Variants in LNX1 observed in about 807,000 individuals in gnomAD.
LNX1 encodes E3 ubiquitin-protein ligase LNX.
Under a neutral mutation model 68.4 loss-of-function variants are expected in LNX1, and 54 were observed. The observed-to-expected ratio is 0.79, with a 90% CI of 0.63 to 0.99. LNX1 has a LOEUF of 0.99. Among genes scored for constraint, LNX1 ranks in the 50% least tolerant of loss-of-function variants. The probability of loss-of-function intolerance (pLI) is 0.00; values close to 1 mark genes in which losing one functional copy is unlikely to be tolerated. For synonymous variants in LNX1, 336 were observed against 350.0 expected (o/e 0.96, Z 0.45); for missense variants, 906 against 926.4 (o/e 0.98, Z 0.29).
At chr4:53,634,577 G>A (rs1734395845) in intron 1 of LNX1, among the ~76,000 whole-genome samples, 1 of 151,944 alleles carries the variant, frequency 6.6e-6, no homozygotes, top group Admixed American at 6.6e-5. Context: ...TCTTGCATGA[G>A]TACTCCCTTT....
chr4:53,579,175 T>C, intron 1 of LNX1: 1 of 684,122 alleles, frequency 1.5e-6, no homozygotes, highest in Non-Finnish European at 1.8e-6. Context: ...CTGAAGTAAG[T>C]AGACAGAGCT....
In LNX1 at chr4:53,476,857, C is replaced by T. The variant is rs774115439; in HGVS notation, c.1788G>A (p.Glu596=). Reference sequence around the variant, plus strand: ...CTGGGCTGCTGCAGTCTTCCTGGGGCTCATACTCTTTGACTTCCAAAGCTT... The same window carrying T: ...CTGGGCTGCTGCAGTCTTCCTGGGGTTCATACTCTTTGACTTCCAAAGCTT... ...VLKALEVKEY[E]PQEDCSSPAA... The change falls in exon 9 of 11, where the codon GAG becomes GAA. Residue 596 remains glutamate (E), a synonymous_variant. Transcript: ENST00000263925. 6.2e-7 allele frequency: 1 copy of T among 1,614,168 alleles called. No individual in the cohort carries two copies. Among genetic ancestry groups the T allele is most frequent in the Non-Finnish European group, 8.5e-7 (1 of 1,180,024 alleles).
chr4:53,547,505 AG>A (rs1470385937), intron 2 of LNX1, among the ~76,000 whole-genome samples: 1 of 152,138 alleles, frequency 6.6e-6, no homozygotes, highest in African/African-American at 2.4e-5. Context: ...TTGAATCACT[AG>A]GTCATCTCAC....
intron 2 of LNX1, among the ~76,000 whole-genome samples, chr4:53,549,135 C>A (rs1366446469): frequency 2.0e-5 from 3 of 152,084 alleles, no homozygotes; most frequent in Non-Finnish European, 4.4e-5. Context: ...ACCTATGTAA[C>A]AAACCTTGAC....
chr4:53,563,476 C>T lies in LNX1; in HGVS notation c.380+10147G>A, dbSNP rs181303300. ...GGGGAGTAAGAGGGGGGCCTACTGGCCCATCACAGACCCAAAGGCCAAGAG... is the reference window on the plus strand; with the variant it reads ...GGGGAGTAAGAGGGGGGCCTACTGGTCCATCACAGACCCAAAGGCCAAGAG... On this transcript the variant is annotated intron_variant, in intron 2 of 10. Coordinates refer to ENST00000263925, the MANE Select transcript of LNX1 (RefSeq NM_001126328.3). Among the ~76,000 whole-genome samples, 47 of 152,184 alleles carry T rather than the reference C, an allele frequency of 3.1e-4. 1 individual carries two copies. The East Asian group carries it at 6.8e-3, about 22-fold the overall frequency.
At chr4:53,509,969 T>C (rs1190556148) in intron 2 of LNX1, among the ~76,000 whole-genome samples, 2 of 152,224 alleles carry the variant, frequency 1.3e-5, no homozygotes, top group African/African-American at 2.4e-5. Context: ...TGAAAAGTTA[T>C]AGAAAGCCTC....
chr4:53,639,262 G>C (rs894513750), intron 1 of LNX1, among the ~76,000 whole-genome samples: 1 of 152,124 alleles, frequency 6.6e-6, no homozygotes, highest in Non-Finnish European at 1.5e-5. Context: ...GTTCTCACTT[G>C]TAAGTGGGAG....
At chr4:53,493,847 T>A (rs1198711406) in intron 6 of LNX1, among the ~76,000 whole-genome samples, 2 of 152,206 alleles carry the variant, frequency 1.3e-5, no homozygotes, top group Non-Finnish European at 1.5e-5. Flanking sequence ...TCTTTTCAGC[T>A]CTCCACTGAC....
At chr4:53,598,948 C>A (rs752539522) in intron 2 of LNX1, among the ~76,000 whole-genome samples, 1 of 152,116 alleles carries the variant, frequency 6.6e-6, no homozygotes, top group Non-Finnish European at 1.5e-5. Context: ...GGAAGCAGAG[C>A]TAAGGACAAA....
intron 6 of LNX1, among the ~76,000 whole-genome samples, chr4:53,491,390 T>C (rs1346949232): frequency 6.6e-6 from 1 of 152,338 alleles, no homozygotes; most frequent in African/African-American, 2.4e-5. Context: ...TTCTCATTGA[T>C]TGGCCGGCTA....
At chr4:53,570,823 C>G (rs983949003) in intron 2 of LNX1, among the ~76,000 whole-genome samples, 1 of 151,060 alleles carries the variant, frequency 6.6e-6, no homozygotes, top group Non-Finnish European at 1.5e-5. Context: ...GTCAGGAGAT[C>G]GAGACCATCC....
At chr4:53,550,053 A>T (rs1424455185) in intron 2 of LNX1, among the ~76,000 whole-genome samples, 1 of 152,206 alleles carries the variant, frequency 6.6e-6, no homozygotes, top group African/African-American at 2.4e-5. Context: ...GCAAAAAAGA[A>T]TTTGCTAATT....
chr4:53,593,854 C>A (rs969463733), upstream of LNX1: 2 of 152,122 alleles, frequency 1.3e-5, no homozygotes, highest in Non-Finnish European at 2.9e-5. Context: ...GCTGGGAAAA[C>A]CAAGACATAG....
intron 1 of LNX1, among the ~76,000 whole-genome samples, chr4:53,579,935 G>A (rs1577749549): frequency 1.3e-5 from 2 of 152,282 alleles, no homozygotes; most frequent in South Asian, 4.1e-4. Flanking sequence ...TGAAATTGTT[G>A]CCTGAGTCAC....
At chr4:53,558,000 C>A (rs756661997) in intron 2 of LNX1, 1 of 1,612,106 alleles carries the variant, frequency 6.2e-7, no homozygotes. Flanking sequence ...CCCTGGCCAC[C>A]TTCTGTCAGC....
chr4:53,472,524 A>C (rs909825961), intron 9 of LNX1, among the ~76,000 whole-genome samples: 3 of 152,040 alleles, frequency 2.0e-5, no homozygotes, highest in African/African-American at 7.2e-5. Flanking sequence ...AAGGGATCCT[A>C]ATAATAAAAA....
intron 1 of LNX1, chr4:53,576,314 G>T: frequency 6.2e-7 from 1 of 1,612,596 alleles, no homozygotes; most frequent in African/African-American, 1.3e-5. Context: ...CAGGAGCTGC[G>T]GTACAGCGTG....
intron 2 of LNX1, among the ~76,000 whole-genome samples, chr4:53,541,008 T>C (rs1728723446): frequency 6.6e-6 from 1 of 150,436 alleles, no homozygotes; most frequent in South Asian, 2.1e-4. Context: ...ATGTTGGTGC[T>C]TGCCTGTAAT....
At chr4:53,600,292 G>A (rs755075523) in intron 2 of LNX1, among the ~76,000 whole-genome samples, 5 of 152,188 alleles carry the variant, frequency 3.3e-5, no homozygotes, top group East Asian at 1.9e-4. Context: ...AAAGTGACTC[G>A]AGGACACATG....
Sources: gnomAD v4.1 joint callset for allele counts (sites outside exome capture counted in the v4.1 genomes callset) on GRCh38, gnomAD v4.1.1 for gene constraint, MANE v1.5 for transcripts, NCBI Gene and HGNC (gene_info 2026-07-23, HGNC 2026-07-21) for gene names.